The following C12orf42 variants were observed in gnomAD, a reference collection of about 807,000 sequenced individuals.
C12orf42 encodes chromosome 12 open reading frame 42.
In C12orf42, 25 loss-of-function variants were observed where a neutral mutation model predicts 21.6. That is an observed-to-expected ratio of 1.16 (90% CI 0.84 to 1.62). The LOEUF (loss-of-function observed/expected upper bound fraction) is 1.62, where lower values mean the gene tolerates loss of function less well. Among genes scored for constraint, C12orf42 ranks in the 40% most tolerant of loss-of-function variants. The pLI, the probability that C12orf42 is intolerant of heterozygous loss-of-function variation, is 0.00. For missense variants in C12orf42, 483 were observed against 459.3 expected (o/e 1.05, Z -0.47); for synonymous variants, 174 against 175.0 (o/e 0.99, Z 0.05).
intron 5 of C12orf42, among the ~76,000 whole-genome samples, chr12:103,270,568 A>T (rs890731206): frequency 6.9e-6 from 1 of 144,008 alleles, no homozygotes; most frequent in African/African-American, 2.5e-5. Context: ...TATTTTATTT[A>T]TTTATTTATT....
rs114083604 is a variant in C12orf42, at chr12:103,468,981, G to A, written c.78+9368C>T. Among the ~76,000 whole-genome samples the A allele has an allele frequency of 5.2e-3, 796 of 152,320 alleles. 6 individuals are homozygous for A. Among genetic ancestry groups the A allele is most frequent in the African/African-American group, 0.018 (758 of 41,578 alleles). On this transcript the variant is annotated intron_variant, in intron 2 of 5. Transcript: ENST00000548883. ...TTGTAGATTTGAGGCCTTCAACCAA[G>A]GGCCACATGCAGGCCTTGGGCGGCC...
At chr12:103,418,792 A>G (rs1225656899) in intron 2 of C12orf42, among the ~76,000 whole-genome samples, 1 of 150,696 alleles carries the variant, frequency 6.6e-6, no homozygotes, top group Non-Finnish European at 1.5e-5. Flanking sequence ...TTTTAAAACT[A>G]TTTTAGGAAG....
chr12:103,463,375 T>C (rs1952872909), intron 2 of C12orf42, among the ~76,000 whole-genome samples: 2 of 152,188 alleles, frequency 1.3e-5, no homozygotes, highest in Non-Finnish European at 2.9e-5. Flanking sequence ...TGGAATCAAA[T>C]GGGGTAGAAT....
chr12:103,340,555 T>C (rs1352753304), intron 4 of C12orf42, among the ~76,000 whole-genome samples: 1 of 152,224 alleles, frequency 6.6e-6, no homozygotes, highest in Non-Finnish European at 1.5e-5. Flanking sequence ...AGAATATTTA[T>C]AAGAAGGCAA....
chr12:103,202,536 A>G, the C12orf42 span, among the ~76,000 whole-genome samples: 1 of 152,226 alleles, frequency 6.6e-6, no homozygotes, highest in East Asian at 1.9e-4. Context: ...AAATCTGGAA[A>G]GAATAAACTG....
the C12orf42 span, among the ~76,000 whole-genome samples, chr12:103,231,771 A>T: frequency 2.0e-5 from 3 of 152,308 alleles, no homozygotes; most frequent in Middle Eastern, 3.4e-3. Flanking sequence ...TGTTATACAC[A>T]TTCATGTGCA....
the C12orf42 span, among the ~76,000 whole-genome samples, chr12:103,201,721 T>C: frequency 6.6e-6 from 1 of 152,156 alleles, no homozygotes; most frequent in Admixed American, 6.6e-5. Context: ...TCTTCAAGCC[T>C]CTCATCTCCT....
the C12orf42 span, among the ~76,000 whole-genome samples, chr12:103,118,772 TAAAAAAAAA>T: frequency 9.6e-5 from 4 of 41,640 alleles, no homozygotes; most frequent in African/African-American, 3.7e-4. Context: ...CACTCCAGCC[TAAAAAAAAA>T]AAAAAAAAAA....
intron 3 of C12orf42, among the ~76,000 whole-genome samples, chr12:103,390,581 T>C (rs2046990257): frequency 1.3e-5 from 2 of 152,244 alleles, no homozygotes; most frequent in South Asian, 4.2e-4. Context: ...AGGATATATA[T>C]AGATAAGTAG....
the C12orf42 span, among the ~76,000 whole-genome samples, chr12:103,055,867 G>A: frequency 1.3e-5 from 2 of 151,964 alleles, no homozygotes; most frequent in Non-Finnish European, 2.9e-5. Flanking sequence ...TTCTGTCATT[G>A]ATTTCCAGTT....
intron 4 of C12orf42, among the ~76,000 whole-genome samples, chr12:103,338,447 T>A (rs1385698001): frequency 6.6e-6 from 1 of 152,238 alleles, no homozygotes; most frequent in African/African-American, 2.4e-5. Context: ...GAAACTGATG[T>A]CATCCTGGGA....
chr12:103,211,491 C>T, the C12orf42 span, among the ~76,000 whole-genome samples: 1 of 152,188 alleles, frequency 6.6e-6, no homozygotes. Flanking sequence ...TCTCAAATCA[C>T]TTGCTGTGAG....
chr12:103,267,108 G>C (rs533644690), downstream of C12orf42, among the ~76,000 whole-genome samples: 1 of 152,078 alleles, frequency 6.6e-6, no homozygotes, highest in Non-Finnish European at 1.5e-5. Context: ...TGCCTGGCTG[G>C]TCCATTCTTC....
rs562491315 is a variant in C12orf42, at chr12:103,417,039, C to T, written c.79-15364G>A. Among the ~76,000 whole-genome samples the T allele has an allele frequency of 1.4e-4, 21 of 152,266 alleles. No homozygotes were observed. The South Asian group carries it at 4.4e-3, about 32-fold the overall frequency. The stretch of plus-strand genomic sequence containing the variant: ...CTTCCCTATCTCACTGTAATAAAAG[C>T]TATCTGAATGTACCAGTCCAGGAAG... On this transcript the variant is annotated intron_variant, in intron 2 of 5. Coordinates refer to ENST00000548883, the MANE Select transcript of C12orf42 (RefSeq NM_198521.5).
At chr12:103,120,025 T>C in the C12orf42 span, among the ~76,000 whole-genome samples, 3 of 152,238 alleles carry the variant, frequency 2.0e-5, no homozygotes, top group Non-Finnish European at 4.4e-5. Context: ...GGAAAAGGGA[T>C]GGCAGGGAAG....
chr12:103,061,900 T>A, the C12orf42 span, among the ~76,000 whole-genome samples: 1 of 151,900 alleles, frequency 6.6e-6, no homozygotes, highest in Non-Finnish European at 1.5e-5. Context: ...TTCTCCTGTT[T>A]TATACTCCTT....
chr12:103,252,931 T>C, intron 10 of C12orf42, among the ~76,000 whole-genome samples: 1 of 152,266 alleles, frequency 6.6e-6, no homozygotes, highest in African/African-American at 2.4e-5. Flanking sequence ...ATTTTTTTAA[T>C]GTTTTAGGTC....
chr12:103,291,591 G>A (rs1036079211), intron 4 of C12orf42, among the ~76,000 whole-genome samples: 1 of 152,050 alleles, frequency 6.6e-6, no homozygotes, highest in South Asian at 2.1e-4. Context: ...CTAAATAAGG[G>A]GTGAATTATT....
the C12orf42 span, among the ~76,000 whole-genome samples, chr12:103,147,403 G>T: frequency 1.3e-5 from 2 of 151,690 alleles, no homozygotes; most frequent in Non-Finnish European, 2.9e-5. Context: ...TCAAATTAAA[G>T]TTTGGCCCTT....
Sources: allele counts gnomAD v4.1 joint callset (sites outside exome capture counted in the v4.1 genomes callset), GRCh38; gene constraint gnomAD v4.1.1; transcripts MANE v1.5; gene names NCBI Gene and HGNC (gene_info 2026-07-23, HGNC 2026-07-21).